LPCAT2: variants seen among roughly 807,000 people sequenced by gnomAD.
The protein encoded by LPCAT2 is lysophosphatidylcholine acyltransferase 2.
A neutral mutation model predicts 64.7 loss-of-function variants in LPCAT2; 58 were observed. The ratio of observed to expected loss-of-function variants is 0.90; its 90% confidence interval spans 0.73 to 1.12. LPCAT2 has a LOEUF of 1.12. Among genes scored for constraint, LPCAT2 ranks in the 50% most tolerant of loss-of-function variants. LPCAT2 has a pLI of 0.00. For missense variants in LPCAT2, 579 were observed against 669.8 expected, an observed-to-expected ratio of 0.86 and a Z score of 1.50; for synonymous variants, 252 against 245.3, an observed-to-expected ratio of 1.03 and a Z score of -0.26.
At chr16:55,567,203 C>G in intron 11 of LPCAT2, 1 of 1,613,764 alleles carries the variant, frequency 6.2e-7, no homozygotes, top group Middle Eastern at 1.6e-4. Context: ...ATCTGTGGAA[C>G]AACATCAAGA....
At position 55,578,463 on chromosome 16, in the gene LPCAT2, A is replaced by G. The variant is rs1266840509; in HGVS notation, c.1315-646A>G. Among the ~76,000 whole-genome samples the G allele has an allele frequency of 8.5e-5, 13 of 152,144 alleles. 1 individual carries two copies. The highest frequency in any genetic ancestry group is 8.5e-4 in the Admixed American group (13 of 15,260). On this transcript the variant is annotated intron_variant, in intron 12 of 13. Transcript: ENST00000262134. ...TTACTTCTGACCTTTCCATCACTAC[A>G]GACCCCTTATTGATATGCAAGTCTT...
At chr16:55,539,703 G>A (rs541136522) in intron 8 of LPCAT2, 12 of 152,154 alleles carry the variant, frequency 7.9e-5, no homozygotes, top group South Asian at 4.1e-4. Flanking sequence ...TTTCCACTAC[G>A]TCTGCTGAGG....
At chr16:55,559,683 C>T (rs899794587) in intron 11 of LPCAT2, among the ~76,000 whole-genome samples, 4 of 149,286 alleles carry the variant, frequency 2.7e-5, no homozygotes, top group Non-Finnish European at 4.4e-5. Context: ...TCATAATTCA[C>T]ATGAAAAGAA....
intron 2 of LPCAT2, among the ~76,000 whole-genome samples, chr16:55,527,341 C>T (rs1010185449): frequency 6.6e-6 from 1 of 151,576 alleles, no homozygotes; most frequent in Non-Finnish European, 1.5e-5. Context: ...AAAATTAGGC[C>T]TGGTGGTGGG....
At chr16:55,514,890 T>TGTG (rs1962986721) in intron 1 of LPCAT2, among the ~76,000 whole-genome samples, 26 of 141,328 alleles carry the variant, frequency 1.8e-4, no homozygotes, top group East Asian at 4.1e-4. Flanking sequence ...ATGCAATGCA[T>TGTG]TGTGTGTGTG....
In LPCAT2 at chr16:55,566,772, G is replaced by C. The variant is rs751740095; in HGVS notation, c.1216-7859G>C. On this transcript the variant is annotated intron_variant, in intron 11 of 13. Coordinates refer to ENST00000262134, the MANE Select transcript of LPCAT2 (RefSeq NM_017839.5). ...AACTGAAAGCATGTTTCTTGCAAAG[G>C]CTCTATTGGAAGGAGCAGATCGAGG... 11 of 1,611,274 alleles carry C rather than the reference G, an allele frequency of 6.8e-6. No homozygotes were observed. The Middle Eastern group carries it at 8.4e-4, about 123-fold the overall frequency.
chr16:55,536,704 G>A (rs1963328666), intron 7 of LPCAT2, among the ~76,000 whole-genome samples: 1 of 151,990 alleles, frequency 6.6e-6, no homozygotes, highest in African/African-American at 2.4e-5. Context: ...TTTTTTAAAT[G>A]TGTAGTTTAA....
At chr16:55,570,716 G>T (rs1963760691) in intron 11 of LPCAT2, among the ~76,000 whole-genome samples, 2 of 152,178 alleles carry the variant, frequency 1.3e-5, no homozygotes, top group Middle Eastern at 3.2e-3. Flanking sequence ...TGTGCCTACT[G>T]ATCTTGAAGA....
intron 4 of LPCAT2, among the ~76,000 whole-genome samples, chr16:55,530,898 G>A (rs1963244472): frequency 6.6e-6 from 1 of 152,030 alleles, no homozygotes; most frequent in Admixed American, 6.6e-5. Context: ...GAATTTTCAG[G>A]CATTGGCTGA....
rs1212972102 is a variant in LPCAT2, at chr16:55,531,933, G to A, written c.662G>A (p.Gly221Asp). Residue 221 changes from glycine to aspartate, a missense_variant, in exon 5 of 14, where the codon GGT becomes GAT. By Grantham distance (94) the Gly-to-Asp change is moderately conservative. Transcript: ENST00000262134. The stretch of plus-strand genomic sequence containing the variant: ...CCCAAGATACTAGTTTTCCCAGAAG[G>A]TACTTGTACTAATCGTTCCTGTTTG... ...EWPQILVFPE[G>D]TCTNRSCLIT... 3.8e-6 allele frequency: 6 copies of A among 1,590,236 alleles called. No individual in the cohort carries two copies. In the African/African-American group the frequency reaches 5.4e-5, roughly 14 times the overall value.
At position 55,585,226 on chromosome 16, in the gene LPCAT2, C is replaced by T. The variant is rs567313116; in HGVS notation, c.*2128C>T. ...GCCATTTTGTCTCAAATGTAATATA[C>T]CCTTTTAATATCATATGTTTACATA... On this transcript the variant is annotated 3_prime_UTR_variant, in exon 14 of 14. Transcript: ENST00000262134. 1 of 152,208 alleles carries T rather than the reference C, an allele frequency of 6.6e-6. No homozygotes were observed. Among genetic ancestry groups the T allele is most frequent in the African/African-American group, 2.4e-5 (1 of 41,532 alleles). 9.4% of individuals were successfully genotyped at this position (152,208 alleles called of 1,614,324 possible).
intron 8 of LPCAT2, chr16:55,538,262 C>T (rs556008777): frequency 1.3e-5 from 2 of 152,128 alleles, no homozygotes; most frequent in Non-Finnish European, 2.9e-5. Flanking sequence ...TAGAGTAGAA[C>T]CCTGAATTCA....
intron 7 of LPCAT2, among the ~76,000 whole-genome samples, chr16:55,536,009 A>G (rs1387004051): frequency 6.6e-6 from 1 of 152,184 alleles, no homozygotes; most frequent in Non-Finnish European, 1.5e-5. Context: ...ATATTTTGAG[A>G]GTCAAAAATT....
chr16:55,570,273 G>C (rs1249005219), intron 11 of LPCAT2, among the ~76,000 whole-genome samples: 1 of 151,986 alleles, frequency 6.6e-6, no homozygotes, highest in African/African-American at 2.4e-5. Context: ...AATATTTTTG[G>C]GTAGCGGTGC....
intron 1 of LPCAT2, among the ~76,000 whole-genome samples, chr16:55,511,840 T>G (rs1215821249): frequency 6.6e-6 from 1 of 152,194 alleles, no homozygotes; most frequent in Non-Finnish European, 1.5e-5. Context: ...TTAAACTCAT[T>G]CCAACTCTTT....
In LPCAT2 at chr16:55,550,984, A is replaced by T. The variant is rs1218094184; in HGVS notation, c.1097A>T (p.Glu366Val). The T allele has an allele frequency of 3.1e-6, 5 of 1,608,688 alleles. No individual in the cohort carries two copies. Among genetic ancestry groups the T allele is most frequent in the Middle Eastern group, 3.3e-4 (2 of 6,030 alleles). The change falls in exon 11 of 14, where the codon GAA (glutamate) becomes GTA (valine). Residue 366 changes from glutamate to valine, a missense_variant. Physicochemically the swap from Glu to Val is moderately radical, Grantham distance 121 (BLOSUM62 -2). Transcript: ENST00000262134. ...DWDGVRKHLD[E>V]YASIASSSKG... ...GATGGTGTTCGTAAGCATTTGGATG[A>T]ATATGCATCTATTGCGAGTTCCTCA...
chr16:55,525,538 A>C lies in LPCAT2; in HGVS notation c.202A>C (p.Ile68Leu). 6.2e-7 allele frequency: 1 copy of C among 1,609,728 alleles called. No homozygotes were observed. The highest frequency in any genetic ancestry group is 1.7e-5 in the Admixed American group (1 of 59,474). Residue 68 changes from isoleucine to leucine, a missense_variant, in exon 2 of 14, where the codon ATT becomes CTT. Transcript: ENST00000262134. Reference sequence around the variant, plus strand: ...CCTTCTTGGGATTATCTTGCTTCCAATTCGTGTCTTATTGGTTGCGTTAAT... The same window carrying C: ...CCTTCTTGGGATTATCTTGCTTCCACTTCGTGTCTTATTGGTTGCGTTAAT... ...IVLLGIILLP[I>L]RVLLVALILL... is the part of the protein sequence containing the mutation.
chr16:55,517,567 T>G (rs1963030751), intron 1 of LPCAT2, among the ~76,000 whole-genome samples: 1 of 152,104 alleles, frequency 6.6e-6, no homozygotes, highest in Admixed American at 6.6e-5. Flanking sequence ...CAATATCCAT[T>G]GTGAATATAT....
In LPCAT2 at chr16:55,566,750, T is replaced by G. The variant is rs759481405; in HGVS notation, c.1216-7881T>G. ...TTGCTGCCGCATTTGCTTGTTAAAC[T>G]GAAAGCATGTTTCTTGCAAAGGCTC... On this transcript the variant is annotated intron_variant, in intron 11 of 13. Coordinates refer to ENST00000262134, the MANE Select transcript of LPCAT2 (RefSeq NM_017839.5). The G allele has an allele frequency of 3.8e-5, 61 of 1,596,368 alleles. No homozygotes were observed. In the Admixed American group the frequency reaches 1.0e-3, roughly 27 times the overall value.
Sources: gnomAD v4.1 joint callset for allele counts (sites outside exome capture counted in the v4.1 genomes callset) on GRCh38, gnomAD v4.1.1 for gene constraint, MANE v1.5 for transcripts, NCBI Gene and HGNC (gene_info 2026-07-23, HGNC 2026-07-21) for gene names.